FSIP2: variants seen among roughly 807,000 people sequenced by gnomAD.
FSIP2 encodes the protein fibrous sheath interacting protein 2.
Under a neutral mutation model 510.5 loss-of-function variants are expected in FSIP2, and 367 were observed. That is an observed-to-expected ratio of 0.72 (90% CI 0.66 to 0.78). The LOEUF is 0.78. Ranked by LOEUF, FSIP2 falls within the 30% of genes least tolerant of loss-of-function variation. The pLI is 0.00. For missense variants in FSIP2, 7,594 were observed against 7,901.7 expected (o/e 0.96, Z 1.48); for synonymous variants, 2,601 against 2,732.2 (o/e 0.95, Z 1.50).
Position 185,795,217 on chromosome 2 carries a change from A to G in FSIP2, c.8081A>G (p.Lys2694Arg). The G allele has an allele frequency of 6.5e-7, 1 of 1,535,082 alleles. No homozygotes were observed. The highest frequency in any genetic ancestry group is 1.2e-5 in the South Asian group (1 of 84,044). The change falls in exon 16 of 23, where the codon AAG becomes AGG. Residue 2694 changes from lysine (K) to arginine (R), a missense_variant. By Grantham distance (26) the Lys-to-Arg change is conservative (BLOSUM62 2). Transcript: ENST00000424728. ...LSAAKAKSKT[K>R]LGPGEKTLKD... is the part of the protein sequence containing the mutation. Reference sequence around the variant, plus strand: ...GCTGCTAAGGCCAAAAGCAAAACCAAGTTAGGTCCTGGAGAGAAGACCCTA... The same window carrying G: ...GCTGCTAAGGCCAAAAGCAAAACCAGGTTAGGTCCTGGAGAGAAGACCCTA...
In FSIP2 at chr2:185,739,383, C is replaced by G. The variant is rs1330215442; in HGVS notation, c.137C>G (p.Ala46Gly). The change falls in exon 2 of 23, where the codon GCT (alanine) becomes GGT (glycine). Residue 46 changes from alanine to glycine, a missense_variant. By Grantham distance (60) the Ala-to-Gly change is moderately conservative. Transcript: ENST00000424728. The part of the protein sequence containing the change: ...HKTHFAGVGP[A>G]QLLDLPLGVK... ...ACCCACTTTGCAGGGGTTGGACCGG[C>G]TCAGCTACTGGACCTACCTCTCGGG... 6.5e-7 allele frequency: 1 copy of G among 1,535,218 alleles called. No individual in the cohort carries two copies. The highest frequency in any genetic ancestry group is 1.4e-5 in the African/African-American group (1 of 72,894).
chr2:185,782,539 A>G (rs1692874371), intron 13 of FSIP2, among the ~76,000 whole-genome samples, 166 bp from the exon 14 acceptor site: 2 of 145,264 alleles, frequency 1.4e-5, no homozygotes, highest in South Asian at 4.4e-4. Context: ...ATCAGATCTT[A>G]CAGTACAGGT....
chr2:185,738,541 A>T, upstream of FSIP2: 1 of 1,441,168 alleles, frequency 6.9e-7, no homozygotes, highest in Non-Finnish European at 9.3e-7. Context: ...GGCTCCTTGG[A>T]AGCCAGGGGA....
intron 13 of FSIP2, among the ~76,000 whole-genome samples, chr2:185,778,927 C>T (rs1285517168): frequency 1.3e-5 from 2 of 151,948 alleles, no homozygotes; most frequent in Non-Finnish European, 2.9e-5. Flanking sequence ...AGTGATTAGA[C>T]CTATCCAAAT....
In FSIP2 at chr2:185,808,152, T is replaced by C; in HGVS notation, c.18846T>C (p.Ser6282=). The change falls in exon 17 of 23, where the codon TCT becomes TCC. Residue 6282 remains serine, a synonymous_variant. Transcript: ENST00000424728. ...TAATGGGTAAAAGCAATGTCCTCTC[T>C]GATACAATAGGCTTTTTAATGGTGA... ...KDLMGKSNVL[S]DTIGFLMVNA... 1 of 1,611,202 alleles carries C rather than the reference T, an allele frequency of 6.2e-7. No homozygotes were observed.
At position 185,793,063 on chromosome 2, in the gene FSIP2, T is replaced by C. The variant is rs558245507; in HGVS notation, c.5927T>C (p.Phe1976Ser). The stretch of plus-strand genomic sequence containing the variant: ...AAAGATTCATATTCTGATGAGCAAT[T>C]TTCCTGTTGCTCAGTAGATCATACC... ...SAKDSYSDEQ[F>S]SCCSVDHTKS... The change falls in exon 16 of 23, where the codon TTT becomes TCT. Residue 1976 changes from phenylalanine to serine, a missense_variant. Coordinates refer to ENST00000424728, the MANE Select transcript of FSIP2 (RefSeq NM_173651.4). The C allele has an allele frequency of 2.6e-6, 4 of 1,534,124 alleles. 1 individual carries two copies. The South Asian group carries it at 4.8e-5, about 18-fold the overall frequency.
intron 1 of FSIP2, 118 bp downstream of exon 1, chr2:185,739,111 TG>T (rs1254387221): frequency 1.5e-6 from 2 of 1,330,534 alleles, no homozygotes; most frequent in African/African-American, 3.0e-5. Flanking sequence ...GTCAGGAGGC[TG>T]CCCTCTTGCG....
At position 185,801,412 on chromosome 2, in the gene FSIP2, C is replaced by A; in HGVS notation, c.12106C>A (p.Pro4036Thr). ...LRNAEERLCF[P>T]PVHTETVSKI... Reference sequence around the variant, plus strand: ...GAATGCTGAAGAAAGGCTGTGTTTTCCACCAGTTCATACAGAAACTGTTAG... The same window carrying A: ...GAATGCTGAAGAAAGGCTGTGTTTTACACCAGTTCATACAGAAACTGTTAG... Residue 4036 changes from proline to threonine, a missense_variant, in exon 17 of 23, where the codon CCA becomes ACA. Pro to Thr is a conservative substitution (Grantham distance 38). Transcript: ENST00000424728. 6.5e-7 allele frequency: 1 copy of A among 1,533,990 alleles called. No individual in the cohort carries two copies. Among genetic ancestry groups the A allele is most frequent in the Non-Finnish European group, 8.7e-7 (1 of 1,145,512 alleles).
In FSIP2 at chr2:185,794,738, T is replaced by A. The variant is rs755979680; in HGVS notation, c.7602T>A (p.His2534Gln). The A allele has an allele frequency of 1.3e-6, 2 of 1,534,086 alleles. No homozygotes were observed. Among genetic ancestry groups the A allele is most frequent in the South Asian group, 2.4e-5 (2 of 83,996 alleles). ...DTTQKNSFQS[H>Q]INSVANDIVE... ...CACAGAAAAACAGTTTTCAATCACA[T>A]ATTAACAGTGTAGCAAATGACATAG... The change falls in exon 16 of 23, where the codon CAT becomes CAA. Residue 2534 changes from histidine (H) to glutamine (Q), a missense_variant. Transcript: ENST00000424728.
In FSIP2 at chr2:185,790,271, C is replaced by G. The variant is rs1200067216; in HGVS notation, c.3135C>G (p.Cys1045Trp). 5 of 1,533,298 alleles carry G rather than the reference C, an allele frequency of 3.3e-6. No individual in the cohort carries two copies. The Admixed American group carries it at 9.8e-5, about 30-fold the overall frequency. 95.0% of individuals were successfully genotyped at this position (1,533,298 alleles called of 1,614,324 possible). A position where few individuals can be genotyped will look rare whatever the true frequency, so the allele number is the denominator to read the frequency against. Residue 1045 changes from cysteine (C) to tryptophan (W), a missense_variant, in exon 16 of 23, where the codon TGC becomes TGG. Cys to Trp is a radical substitution (Grantham distance 215). Coordinates refer to ENST00000424728, the MANE Select transcript of FSIP2 (RefSeq NM_173651.4). ...CAAAGGGAAACACTTGTTTTGAATG[C>G]AAAAGAAATATCAAACCACCTACAA... is the stretch of plus-strand genomic sequence containing the variant. ...WFTKGNTCFE[C>W]KRNIKPPTKP...
intron 7 of FSIP2, among the ~76,000 whole-genome samples, chr2:185,748,470 C>CA (rs1020010834): frequency 2.6e-5 from 4 of 151,644 alleles, no homozygotes; most frequent in Non-Finnish European, 5.9e-5. Context: ...TTCTAATACT[C>CA]AGTTTTTCAC....
chr2:185,760,313 G>A (rs1419056769), intron 9 of FSIP2, among the ~76,000 whole-genome samples: 1 of 149,792 alleles, frequency 6.7e-6, no homozygotes, highest in African/African-American at 2.4e-5. Context: ...ATGGTACAAC[G>A]ACATTGAAAA....
Position 185,794,426 on chromosome 2 carries a change from G to T in FSIP2, c.7290G>T (p.Leu2430=). 6.6e-7 allele frequency: 1 copy of T among 1,511,866 alleles called. No individual in the cohort carries two copies. The highest frequency in any genetic ancestry group is 8.8e-7 in the Non-Finnish European group (1 of 1,137,786). 93.7% of individuals were successfully genotyped at this position (1,511,866 alleles called of 1,614,324 possible). A position where few individuals can be genotyped will look rare whatever the true frequency, so the allele number is the denominator to read the frequency against. The part of the protein sequence containing the change: ...SQLALSNEIL[L]GHKEKERSTK... ...TAGCTTTATCAAATGAAATATTGCTGGGTCACAAAGAGAAGGAAAGAAGTA... is the reference window on the plus strand; with the variant it reads ...TAGCTTTATCAAATGAAATATTGCTTGGTCACAAAGAGAAGGAAAGAAGTA... The change falls in exon 16 of 23, where the codon CTG becomes CTT. Residue 2430 remains leucine (L), a synonymous_variant. Transcript: ENST00000424728.
At position 185,794,788 on chromosome 2, in the gene FSIP2, A is replaced by G; in HGVS notation, c.7652A>G (p.Tyr2551Cys). Residue 2551 changes from tyrosine to cysteine, a missense_variant, in exon 16 of 23, where the codon TAC becomes TGC. Coordinates refer to ENST00000424728, the MANE Select transcript of FSIP2 (RefSeq NM_173651.4). Reference protein sequence around the residue: ...DIVESVLGKMYLVVVTSLYEN... With the variant: ...DIVESVLGKMCLVVVTSLYEN... Reference sequence around the variant, plus strand: ...GTTGAAAGTGTTTTGGGGAAAATGTACTTGGTAGTTGTGACATCATTATAT... The same window carrying G: ...GTTGAAAGTGTTTTGGGGAAAATGTGCTTGGTAGTTGTGACATCATTATAT... 6.5e-7 allele frequency: 1 copy of G among 1,534,150 alleles called. No individual in the cohort carries two copies. Among genetic ancestry groups the G allele is most frequent in the Non-Finnish European group, 8.7e-7 (1 of 1,145,574 alleles).
rs887543951 is a variant in FSIP2 at position 185,789,885 on chromosome 2, C to A, written c.2749C>A (p.Gln917Lys). 5.2e-6 allele frequency: 8 copies of A among 1,532,198 alleles called. No homozygotes were observed. In the East Asian group the frequency reaches 7.4e-5, roughly 14 times the overall value. The allele number at this position is 1,532,198 out of a possible 1,614,324, so 94.9% of individuals were successfully genotyped here. ...AATCAATGCTATACTAGGTTATATA[C>A]AAACTGAACTAAATAATGAGAGAAT... ...EAINAILGYI[Q>K]TELNNERIIA... The change falls in exon 16 of 23, where the codon CAA becomes AAA. Residue 917 changes from glutamine (Q) to lysine (K), a missense_variant. Transcript: ENST00000424728.
intron 8 of FSIP2, among the ~76,000 whole-genome samples, chr2:185,755,575 G>T (rs1692230746): frequency 1.3e-5 from 2 of 151,514 alleles, no homozygotes; most frequent in African/African-American, 4.8e-5. Context: ...CTATGGTAAT[G>T]TTGTTATCTT....
In FSIP2 at chr2:185,801,333, A is replaced by G. The variant is rs1693430122; in HGVS notation, c.12027A>G (p.Leu4009=). 3.3e-6 allele frequency: 5 copies of G among 1,533,730 alleles called. No homozygotes were observed. The highest frequency in any genetic ancestry group is 2.7e-5 in the African/African-American group (2 of 72,964). ...TVSWLNEMNT[L]FVNNVVNEFN... is the part of the protein sequence containing the mutation. ...CCTGGCTCAATGAGATGAATACATT[A>G]TTTGTCAACAATGTAGTGAATGAAT... Residue 4009 remains leucine, a synonymous_variant, in exon 17 of 23, where the codon TTA becomes TTG. Coordinates refer to ENST00000424728, the MANE Select transcript of FSIP2 (RefSeq NM_173651.4).
intron 13 of FSIP2, among the ~76,000 whole-genome samples, chr2:185,775,356 G>GT (rs1417350098): frequency 2.0e-5 from 3 of 150,810 alleles, no homozygotes; most frequent in African/African-American, 7.3e-5. Flanking sequence ...TTTTTCATGT[G>GT]TTTTTTGGCT....
chr2:185,790,211 A>T lies in FSIP2; in HGVS notation c.3075A>T (p.Val1025=). The change falls in exon 16 of 23, where the codon GTA becomes GTT. Residue 1025 remains valine, a synonymous_variant. Coordinates refer to ENST00000424728, the MANE Select transcript of FSIP2 (RefSeq NM_173651.4). ...ATTCAACTTTCAAAGATGAAAAAGT[A>T]AAATCACAAGAACAGATTCCTAATC... ...VLDSTFKDEK[V]KSQEQIPNHW... 6.5e-7 allele frequency: 1 copy of T among 1,531,224 alleles called. No individual in the cohort carries two copies. The highest frequency in any genetic ancestry group is 8.7e-7 in the Non-Finnish European group (1 of 1,144,810). The allele number at this position is 1,531,224 out of a possible 1,614,324, so 94.9% of individuals were successfully genotyped here.
Sources: allele counts gnomAD v4.1 joint callset (sites outside exome capture counted in the v4.1 genomes callset), GRCh38; gene constraint gnomAD v4.1.1; transcripts MANE v1.5; gene names NCBI Gene and HGNC (gene_info 2026-07-23, HGNC 2026-07-21).